Variants in RYR1 observed in about 807,000 individuals in gnomAD.
RYR1 encodes central core disease of muscle.
Under a neutral mutation model 583.5 loss-of-function variants are expected in RYR1, and 342 were observed. The ratio of observed to expected loss-of-function variants is 0.59; its 90% CI spans 0.54 to 0.64. The LOEUF is 0.64. RYR1 is among the 30% of genes least tolerant of loss of function. The pLI is 0.00. For missense variants in RYR1, 6,032 were observed against 6,917.2 expected (o/e 0.87, Z 4.54); for synonymous variants, 2,791 against 2,822.5 (o/e 0.99, Z 0.35).
At position 38,484,616 on chromosome 19, in the gene RYR1, A is replaced by C. The variant is rs147284173; in HGVS notation, c.4935-974A>C. 3.9e-5 allele frequency among the ~76,000 whole-genome samples: 6 copies of C among 152,208 alleles called. No homozygotes were observed. In the East Asian group the frequency reaches 1.2e-3, roughly 30 times the overall value. On this transcript the variant is annotated intron_variant, in intron 33 of 105. Transcript: ENST00000359596. ...TAACTCAGGATGCTCGGACATGCCCAAAGGGACCCAGGGTCATCCCCAGGG... is the reference window on the plus strand; with the variant it reads ...TAACTCAGGATGCTCGGACATGCCCCAAGGGACCCAGGGTCATCCCCAGGG...
At chr19:38,522,461 C>T (rs1193857458) in intron 67 of RYR1, among the ~76,000 whole-genome samples, 1 of 151,880 alleles carries the variant, frequency 6.6e-6, no homozygotes, top group Non-Finnish European at 1.5e-5. Flanking sequence ...AAAACATTAG[C>T]CAGGCCTGGG....
At position 38,561,102 on chromosome 19, in the gene RYR1, C is replaced by T. The variant is rs2145830441; in HGVS notation, c.12283-11C>T. ...CCAGGTCACCCCACTGACCTCCCTG[C>T]CCGCCCCCAGGCCATGGACAGCCAG... On this transcript the variant is annotated splice_polypyrimidine_tract_variant and intron_variant, in intron 89 of 105. Transcript: ENST00000359596. This position sits in a 1 kb window ranked among gnomAD's most constrained non-coding sequence, Gnocchi z 4.8. 2 of 1,613,620 alleles carry T rather than the reference C, an allele frequency of 1.2e-6. No individual in the cohort carries two copies. The highest frequency in any genetic ancestry group is 1.7e-6 in the Non-Finnish European group (2 of 1,179,662).
At chr19:38,582,234 C>T (rs914226428) in intron 101 of RYR1, among the ~76,000 whole-genome samples, 3 of 151,786 alleles carry the variant, frequency 2.0e-5, no homozygotes, top group African/African-American at 4.8e-5. Flanking sequence ...CCCATATCTA[C>T]TAAAAATACA....
At chr19:38,569,177 A>AT (rs1347755179) in intron 93 of RYR1, among the ~76,000 whole-genome samples, 6 of 151,986 alleles carry the variant, frequency 3.9e-5, no homozygotes. Flanking sequence ...CGCCTGGCTA[A>AT]TTTTTTGTAT....
At position 38,499,657 on chromosome 19, in the gene RYR1, C is replaced by T; in HGVS notation, c.7050C>T (p.Ala2350=). The part of the protein sequence containing the change: ...FVNGESVEEN[A]NVVVRLLIRK... The stretch of plus-strand genomic sequence containing the variant: ...CAGGCGAGAGCGTGGAGGAGAACGC[C>T]AATGTGGTGGTGCGGCTGCTCATCC... Residue 2350 remains alanine, a synonymous_variant, in exon 44 of 106, where the codon GCC becomes GCT. Coordinates refer to ENST00000359596, the MANE Select transcript of RYR1 (RefSeq NM_000540.3). This position sits in a 1 kb window ranked among gnomAD's most constrained non-coding sequence, Gnocchi z 7.3. 1.9e-6 allele frequency: 3 copies of T among 1,598,868 alleles called. No homozygotes were observed. Among genetic ancestry groups the T allele is most frequent in the Non-Finnish European group, 2.5e-6 (3 of 1,179,884 alleles).
chr19:38,502,792 C>CAGGGGCAGGGGCAGGGGCAGGGGG (rs1970227067), intron 48 of RYR1, 65 bp downstream of exon 48: 30 of 679,028 alleles, frequency 4.4e-5, no homozygotes, highest in Non-Finnish European at 5.2e-5. Context: ...GGGGCAGGGG[C>CAGGGGCAGGGGCAGGGGCAGGGGG]AGGGGCAGGG....
chr19:38,565,898 G>A lies in RYR1; in HGVS notation c.13437+127G>A. ...TAGGGGGATGGGCACACGCACCCAC[G>A]GAGGACGCACCCATGGAGGACGCAC... On this transcript the variant is annotated intron_variant, in intron 91 of 105. Coordinates refer to ENST00000359596, the MANE Select transcript of RYR1 (RefSeq NM_000540.3). The surrounding 1 kb of genome is among the most constrained non-coding windows in gnomAD (Gnocchi z 4.7). 9.0e-7 allele frequency: 1 copy of A among 1,112,882 alleles called. No individual in the cohort carries two copies. The highest frequency in any genetic ancestry group is 1.2e-6 in the Non-Finnish European group (1 of 859,438). The allele number at this position is 1,112,882 out of a possible 1,614,324, so 68.9% of individuals were successfully genotyped here.
chr19:38,536,942 C>A, intron 83 of RYR1, 175 bp downstream of exon 83: 1 of 669,362 alleles, frequency 1.5e-6, no homozygotes, highest in Non-Finnish European at 2.7e-6. Flanking sequence ...GAGCATGATT[C>A]AGGTCCCAGA....
At chr19:38,557,988 TAA>T (rs1972953531) in intron 89 of RYR1, among the ~76,000 whole-genome samples, 1 of 151,344 alleles carries the variant, frequency 6.6e-6, no homozygotes, top group African/African-American at 2.4e-5. Context: ...AAAAATAAAA[TAA>T]AATAATACAA....
At position 38,469,660 on chromosome 19, in the gene RYR1, A is replaced by G. The variant is rs1968312482; in HGVS notation, c.3765+147A>G. On this transcript the variant is annotated intron_variant, in intron 27 of 105. Coordinates refer to ENST00000359596, the MANE Select transcript of RYR1 (RefSeq NM_000540.3). ...TCAGAGTGATGGGCTCACGGGCTGT[A>G]TGACTCCGGGTGTAACTTTGGCAAA... 3.4e-6 allele frequency: 3 copies of G among 892,312 alleles called. No homozygotes were observed. In the South Asian group the frequency reaches 4.2e-5, roughly 13 times the overall value. 55.3% of individuals were successfully genotyped at this position (892,312 alleles called of 1,614,324 possible).
intron 39 of RYR1, 48 bp downstream of exon 39, chr19:38,494,673 G>T: frequency 6.2e-7 from 1 of 1,607,612 alleles, no homozygotes. Context: ...CTTGGGTAAT[G>T]AATACCCTCA....
At chr19:38,452,155 G>C (rs578189302) in intron 12 of RYR1, among the ~76,000 whole-genome samples, 3 of 123,856 alleles carry the variant, frequency 2.4e-5, no homozygotes, top group African/African-American at 9.3e-5. Flanking sequence ...AAAAAAATTA[G>C]GCTGGGCACA....
chr19:38,483,166 T>C lies in RYR1; in HGVS notation c.4707+53T>C, dbSNP rs535512294. ...TGGGGCCAGGCTGAGGCAGGAGATG[T>C]GGGGAGGCCAGGCGGGCAGAGCCAC... On this transcript the variant is annotated intron_variant, in intron 32 of 105. Transcript: ENST00000359596. The surrounding 1 kb of genome is among the most constrained non-coding windows in gnomAD (Gnocchi z 6.3). The C allele has an allele frequency of 6.2e-7, 1 of 1,601,828 alleles. No individual in the cohort carries two copies. Among genetic ancestry groups the C allele is most frequent in the Non-Finnish European group, 8.6e-7 (1 of 1,169,150 alleles).
chr19:38,494,820 T>C lies in RYR1; in HGVS notation c.6548+195T>C, dbSNP rs35968585. Among the ~76,000 whole-genome samples the C allele has an allele frequency of 0.028, 4,271 of 150,878 alleles. 92 individuals are homozygous for C. Among genetic ancestry groups the C allele is most frequent in the East Asian group, 0.037 (188 of 5,108 alleles). ...CTCAGTGGTAGCAGCTCCGCTTCTG[T>C]GTGACTCTCAGCAGGACATTCCCCA... On this transcript the variant is annotated intron_variant, in intron 39 of 105. Transcript: ENST00000359596.
rs185565158 is a variant in RYR1, at chr19:38,459,580, T to C, written c.2360+242T>C. Among the ~76,000 whole-genome samples, 150 of 152,254 alleles carry C rather than the reference T, an allele frequency of 9.9e-4. 3 individuals are homozygous for C. In the East Asian group the frequency reaches 0.028, roughly 28 times the overall value. On this transcript the variant is annotated intron_variant, in intron 19 of 105. Transcript: ENST00000359596. ...TCCAGTAACCTCTGAGATAATGGTC[T>C]CAGACTCTCCTAGTGGTCTCTCAAC...
At chr19:38,457,364 CCT>C in intron 16 of RYR1, 131 bp from the exon 17 acceptor site, 1 of 1,255,358 alleles carries the variant, frequency 8.0e-7, no homozygotes, top group Non-Finnish European at 1.2e-6. Context: ...TTCACCACCT[CCT>C]CTCAGTCAAA....
At chr19:38,515,247 G>C (rs1237999788) in intron 64 of RYR1, 140 bp downstream of exon 64, 1 of 731,956 alleles carries the variant, frequency 1.4e-6, no homozygotes. Context: ...GGTTCCCCAC[G>C]GCGGCCGCGT....
intron 90 of RYR1, among the ~76,000 whole-genome samples, chr19:38,562,673 C>T (rs1973202530): frequency 6.6e-6 from 1 of 152,112 alleles, no homozygotes; most frequent in Non-Finnish European, 1.5e-5. Context: ...TCATGCCTGC[C>T]TCACGCACAC....
At chr19:38,526,881 C>T in intron 71 of RYR1, 112 bp from the exon 72 acceptor site, 1 of 1,163,084 alleles carries the variant, frequency 8.6e-7, no homozygotes, top group Non-Finnish European at 1.3e-6. Flanking sequence ...CCCACCCCCA[C>T]CCCAGAAAAA....
Sources: allele counts gnomAD v4.1 joint callset (sites outside exome capture counted in the v4.1 genomes callset), GRCh38; gene constraint gnomAD v4.1.1; non-coding constraint Gnocchi (gnomAD v3.1); transcripts MANE v1.5; gene names NCBI Gene and HGNC (gene_info 2026-07-23, HGNC 2026-07-21).